The following WDR7 variants were observed in gnomAD, a reference collection of about 807,000 sequenced individuals.
WDR7 encodes WD repeat-containing protein 7.
A neutral mutation model predicts 169.4 loss-of-function variants in WDR7; 46 were observed. The ratio of observed to expected loss-of-function variants is 0.27; its 90% CI spans 0.21 to 0.35. WDR7 has a LOEUF of 0.35. WDR7 is among the 10% of genes least tolerant of loss of function. The pLI is 1.00. For synonymous variants in WDR7, 612 were observed against 666.8 expected (o/e 0.92, Z 1.27); for missense variants, 1,534 against 1,859.3 (o/e 0.83, Z 3.22).
chr18:56,999,881 C>A lies in WDR7; in HGVS notation c.4165-20864C>A, dbSNP rs577482121. On this transcript the variant is annotated intron_variant, in intron 26 of 27. Coordinates refer to ENST00000254442, the MANE Select transcript of WDR7 (RefSeq NM_015285.3). ...CACCCAAGGCCTTGTCAAGATAGTT[C>A]TCTGAACAGAAGGGATCTCCCATCT... 6.8e-4 allele frequency among the ~76,000 whole-genome samples: 103 copies of A among 152,222 alleles called. No homozygotes were observed. In the South Asian group the frequency reaches 0.021, roughly 31 times the overall value.
At chr18:56,800,414 T>C (rs2044652790) in intron 19 of WDR7, among the ~76,000 whole-genome samples, 1 of 152,238 alleles carries the variant, frequency 6.6e-6, no homozygotes, top group East Asian at 1.9e-4. Context: ...TTCATGCATG[T>C]GCTTACTTAG....
intron 26 of WDR7, among the ~76,000 whole-genome samples, chr18:56,993,959 G>C (rs1228967001): frequency 6.6e-6 from 1 of 151,446 alleles, no homozygotes; most frequent in Non-Finnish European, 1.5e-5. Context: ...AATGGAACAA[G>C]TGTCATCGCT....
chr18:56,655,254 G>C (rs1340854765), intron 1 of WDR7, among the ~76,000 whole-genome samples: 1 of 152,104 alleles, frequency 6.6e-6, no homozygotes, highest in Non-Finnish European at 1.5e-5. Flanking sequence ...CCAATAAATT[G>C]ATTTTGTACA....
intron 7 of WDR7, among the ~76,000 whole-genome samples, chr18:56,687,325 A>G (rs531102122): frequency 1.3e-5 from 2 of 152,218 alleles, no homozygotes; most frequent in Non-Finnish European, 2.9e-5. Flanking sequence ...CTAATAGTCA[A>G]TATTTTCCCT....
At chr18:56,807,171 A>G (rs1448477001) in intron 19 of WDR7, among the ~76,000 whole-genome samples, 2 of 150,922 alleles carry the variant, frequency 1.3e-5, no homozygotes, top group African/African-American at 2.4e-5. Context: ...AAAAAAATTC[A>G]TGAAGGATTT....
chr18:56,702,032 A>G (rs1364113125), intron 12 of WDR7, among the ~76,000 whole-genome samples: 5 of 152,190 alleles, frequency 3.3e-5, no homozygotes, highest in African/African-American at 1.2e-4. Context: ...ACTTGGGTGA[A>G]TTAGCAAAAT....
At chr18:56,994,877 G>C (rs1030110397) in intron 26 of WDR7, among the ~76,000 whole-genome samples, 1 of 152,142 alleles carries the variant, frequency 6.6e-6, no homozygotes, top group Non-Finnish European at 1.5e-5. Flanking sequence ...ACTCACCAGA[G>C]GCTAGACAGT....
intron 20 of WDR7, among the ~76,000 whole-genome samples, chr18:56,818,157 A>G (rs984381483): frequency 3.3e-5 from 5 of 152,158 alleles, no homozygotes; most frequent in Non-Finnish European, 5.9e-5. Flanking sequence ...ACACCTTCCA[A>G]TCTATAAAAA....
chr18:57,021,468 A>G (rs1468288470), intron 27 of WDR7, among the ~76,000 whole-genome samples: 1 of 151,964 alleles, frequency 6.6e-6, no homozygotes, highest in African/African-American at 2.4e-5. Flanking sequence ...TAATTATCTC[A>G]TTTTTCTTTG....
At chr18:56,659,523 T>C (rs1053707242) in intron 1 of WDR7, among the ~76,000 whole-genome samples, 5 of 152,194 alleles carry the variant, frequency 3.3e-5, no homozygotes, top group African/African-American at 1.2e-4. Flanking sequence ...ACATATGGTA[T>C]GTTAAATGAT....
At chr18:56,738,278 T>C (rs1288648786) in intron 14 of WDR7, among the ~76,000 whole-genome samples, 1 of 152,182 alleles carries the variant, frequency 6.6e-6, no homozygotes, top group East Asian at 1.9e-4. Context: ...TATAGAGATA[T>C]TTAAAACTTG....
intron 27 of WDR7, among the ~76,000 whole-genome samples, chr18:57,023,879 C>G (rs1039558563): frequency 1.3e-5 from 2 of 151,996 alleles, no homozygotes; most frequent in African/African-American, 4.8e-5. Flanking sequence ...TTTATTTACT[C>G]CATTGTATAG....
chr18:57,013,413 T>C (rs2048164344), intron 26 of WDR7, among the ~76,000 whole-genome samples: 2 of 152,204 alleles, frequency 1.3e-5, no homozygotes, highest in African/African-American at 4.8e-5. Context: ...TAAAATTTAT[T>C]TCAAGGATGA....
chr18:56,992,006 T>C (rs1263320257), intron 26 of WDR7, among the ~76,000 whole-genome samples: 2 of 152,244 alleles, frequency 1.3e-5, no homozygotes, highest in Non-Finnish European at 1.5e-5. Context: ...TCAATTAAAA[T>C]AGAAAACGAG....
At chr18:56,972,933 G>A (rs139142060) in intron 26 of WDR7, among the ~76,000 whole-genome samples, 19 of 151,938 alleles carry the variant, frequency 1.3e-4, no homozygotes, top group South Asian at 8.3e-4. Context: ...GTGCAATCTC[G>A]GCTCACTGCA....
chr18:56,697,166 C>T (rs1222153203), intron 12 of WDR7, among the ~76,000 whole-genome samples: 2 of 152,132 alleles, frequency 1.3e-5, no homozygotes, highest in Non-Finnish European at 1.5e-5. Flanking sequence ...TTTGTTTGCA[C>T]ATATAGAGAC....
chr18:56,961,551 A>T (rs2047339949), intron 25 of WDR7, among the ~76,000 whole-genome samples: 1 of 152,120 alleles, frequency 6.6e-6, no homozygotes, highest in African/African-American at 2.4e-5. Flanking sequence ...CAGATATAAA[A>T]TTATACCTTA....
intron 19 of WDR7, 115 bp downstream of exon 19, chr18:56,781,771 G>C (rs550539462): frequency 3.5e-6 from 4 of 1,145,064 alleles, no homozygotes; most frequent in Middle Eastern, 3.2e-4. Context: ...TGACCTTAAA[G>C]TGAAAAGAAC....
intron 18 of WDR7, among the ~76,000 whole-genome samples, chr18:56,780,785 G>C (rs1015227372): frequency 1.3e-5 from 2 of 152,216 alleles, no homozygotes; most frequent in African/African-American, 4.8e-5. Context: ...GGTCAACAGG[G>C]CAACACTTGG....
Sources: gnomAD v4.1 joint callset for allele counts (sites outside exome capture counted in the v4.1 genomes callset) on GRCh38, gnomAD v4.1.1 for gene constraint, MANE v1.5 for transcripts, NCBI Gene and HGNC (gene_info 2026-07-23, HGNC 2026-07-21) for gene names.